The following HACE1 variants were observed in gnomAD, a reference collection of about 807,000 sequenced individuals.
The protein encoded by HACE1 is HECT domain and ankyrin repeat containing E3 ubiquitin protein ligase 1.
HACE1 carries 73 observed loss-of-function variants against 118.4 expected under a neutral mutation model. The observed-to-expected ratio is 0.62, with a 90% CI of 0.51 to 0.75. The LOEUF is 0.75. Ranked by LOEUF, HACE1 falls within the 30% of genes least tolerant of loss-of-function variation. The pLI is 0.00. For missense variants in HACE1, 749 were observed against 1,102.2 expected (o/e 0.68, Z 4.54); for synonymous variants, 368 against 374.8 (o/e 0.98, Z 0.21).
intron 16 of HACE1, 82 bp from the exon 17 acceptor site, chr6:104,776,910 T>A: frequency 7.8e-7 from 1 of 1,285,600 alleles, no homozygotes. Flanking sequence ...AATTTAAATA[T>A]AAAGTTTCTT....
intron 19 of HACE1, among the ~76,000 whole-genome samples, chr6:104,765,954 A>G (rs1457373812): frequency 1.3e-5 from 2 of 152,178 alleles, no homozygotes; most frequent in Non-Finnish European, 2.9e-5. Context: ...ATTGCTGTCC[A>G]GTTTCTCCAA....
intron 19 of HACE1, among the ~76,000 whole-genome samples, chr6:104,755,942 G>A (rs1225672688): frequency 6.6e-6 from 1 of 152,114 alleles, no homozygotes; most frequent in Non-Finnish European, 1.5e-5. Context: ...GAGGTGAATT[G>A]AAGAAGACAG....
intron 2 of HACE1, 120 bp from the exon 3 acceptor site, chr6:104,851,116 G>A: frequency 1.4e-6 from 1 of 693,766 alleles, no homozygotes. Flanking sequence ...CAAGAGTCTT[G>A]CTCTGTCACC....
chr6:104,849,080 G>T, intron 4 of HACE1, 62 bp downstream of exon 4: 1 of 925,896 alleles, frequency 1.1e-6, no homozygotes, highest in Non-Finnish European at 1.8e-6. Context: ...ATCAAACGAA[G>T]GCAAAGTGCC....
intron 5 of HACE1, among the ~76,000 whole-genome samples, chr6:104,838,878 A>G (rs1235824190): frequency 7.2e-6 from 1 of 139,386 alleles, no homozygotes; most frequent in Non-Finnish European, 1.5e-5. Context: ...AGGAACTCAA[A>G]CAACTCCATA....
At chr6:104,736,250 T>C (rs1327550642) in intron 22 of HACE1, among the ~76,000 whole-genome samples, 2 of 151,588 alleles carry the variant, frequency 1.3e-5, no homozygotes, top group Non-Finnish European at 2.9e-5. Context: ...CTATAACCTG[T>C]TAATAGTTAT....
intron 19 of HACE1, among the ~76,000 whole-genome samples, chr6:104,765,171 G>T (rs879897093): frequency 1.3e-5 from 2 of 152,200 alleles, no homozygotes; most frequent in Non-Finnish European, 2.9e-5. Flanking sequence ...TCAGCTGGAT[G>T]ATGAGCAGAG....
intron 6 of HACE1, among the ~76,000 whole-genome samples, chr6:104,822,765 G>A (rs774132999): frequency 1.2e-4 from 18 of 152,162 alleles, no homozygotes; most frequent in East Asian, 1.9e-4. Flanking sequence ...GCCGAGGCAG[G>A]AGAATTGCTT....
At chr6:104,785,625 T>A (rs1001737662) in intron 11 of HACE1, 1 of 325,908 alleles carries the variant, frequency 3.1e-6, no homozygotes, top group African/African-American at 2.2e-5. Flanking sequence ...TTCAAATGTT[T>A]AGTTTTAAAA....
At chr6:104,785,561 T>C (rs1167371499) in intron 11 of HACE1, 8 of 425,442 alleles carry the variant, frequency 1.9e-5, no homozygotes, top group Non-Finnish European at 2.9e-5. Context: ...TTCCTTGTAA[T>C]AAAAAGGAAA....
intron 17 of HACE1, among the ~76,000 whole-genome samples, chr6:104,773,105 ACTTT>A (rs1780818811): frequency 6.6e-6 from 1 of 152,206 alleles, no homozygotes; most frequent in Non-Finnish European, 1.5e-5. Context: ...ACTTTAAATA[ACTTT>A]CTTTTCCTAT....
intron 19 of HACE1, among the ~76,000 whole-genome samples, chr6:104,757,922 C>T (rs559766921): frequency 7.2e-5 from 11 of 151,914 alleles, no homozygotes; most frequent in African/African-American, 1.2e-4. Flanking sequence ...ATAGCCGATT[C>T]GATCAAGTGG....
At chr6:104,839,006 A>AC (rs957661852) in intron 5 of HACE1, among the ~76,000 whole-genome samples, 2 of 152,082 alleles carry the variant, frequency 1.3e-5, no homozygotes, top group African/African-American at 4.8e-5. Flanking sequence ...AAGGTGCTCA[A>AC]CATCACTGAT....
intron 4 of HACE1, among the ~76,000 whole-genome samples, chr6:104,845,476 C>CT (rs35701834): frequency 0.62 from 83,565 of 134,154 alleles, 27,857 homozygotes; most frequent in East Asian, 0.81. Flanking sequence ...TCTGGGTAAA[C>CT]TTTTTTTTTT....
rs180953045 is a variant in HACE1 at position 104,831,717 on chromosome 6, C to T, written c.534+1325G>A. On this transcript the variant is annotated intron_variant, in intron 6 of 23. Coordinates refer to ENST00000262903, the MANE Select transcript of HACE1 (RefSeq NM_020771.4). ...GACCATCCTGGCTAACGCAGTGAAA[C>T]CCCATCTCTACTAAAAATACAAAAA... 1.8e-4 allele frequency among the ~76,000 whole-genome samples: 27 copies of T among 152,010 alleles called. No individual in the cohort carries two copies. In the East Asian group the frequency reaches 5.1e-3, roughly 29 times the overall value.
At chr6:104,857,752 T>C (rs1347784842) in intron 1 of HACE1, among the ~76,000 whole-genome samples, 1 of 151,220 alleles carries the variant, frequency 6.6e-6, no homozygotes, top group African/African-American at 2.4e-5. Flanking sequence ...GGTCAGGCGA[T>C]CGAGACCATC....
At chr6:104,840,879 C>G (rs1237452555) in intron 5 of HACE1, among the ~76,000 whole-genome samples, 2 of 152,196 alleles carry the variant, frequency 1.3e-5, no homozygotes, top group Non-Finnish European at 2.9e-5. Flanking sequence ...AGGAGAATTG[C>G]TTGAACCCGG....
chr6:104,776,513 T>C (rs1003231918), intron 17 of HACE1, among the ~76,000 whole-genome samples: 1 of 152,250 alleles, frequency 6.6e-6, no homozygotes, highest in Non-Finnish European at 1.5e-5. Context: ...GGGAACCAAC[T>C]GTTTAGAGGA....
chr6:104,769,143 T>C (rs908620175), intron 19 of HACE1, among the ~76,000 whole-genome samples: 21 of 152,040 alleles, frequency 1.4e-4, no homozygotes, highest in African/African-American at 4.8e-4. Context: ...CAAGTGATCC[T>C]CCCACCTCAG....
Sources: allele counts gnomAD v4.1 joint callset (sites outside exome capture counted in the v4.1 genomes callset), GRCh38; gene constraint gnomAD v4.1.1; transcripts MANE v1.5; gene names NCBI Gene and HGNC (gene_info 2026-07-23, HGNC 2026-07-21).